ZNF497: variants seen among roughly 807,000 people sequenced by gnomAD.
ZNF497 encodes zinc finger-like protein.
For missense variants in ZNF497, 930 were observed against 714.0 expected (o/e 1.30, Z -3.45); for synonymous variants, 422 against 313.7 (o/e 1.35, Z -3.65).
At chr19:58,357,818 C>T in intron 2 of ZNF497, 169 bp from the exon 3 acceptor site, 1 of 1,213,576 alleles carries the variant, frequency 8.2e-7, no homozygotes, top group Non-Finnish European at 1.1e-6. Context: ...AGCAGGCGGG[C>T]TAGACACTCG....
intron 1 of ZNF497, among the ~76,000 whole-genome samples, chr19:58,362,128 C>T (rs1436363877): frequency 6.6e-6 from 1 of 152,228 alleles, no homozygotes; most frequent in African/African-American, 2.4e-5. Context: ...CGCCCACGCC[C>T]CCAACAACGG....
intron 1 of ZNF497, chr19:58,359,611 CTG>C: frequency 2.7e-6 from 1 of 375,784 alleles, no homozygotes; most frequent in South Asian, 1.9e-5. Flanking sequence ...AAGACAGAGA[CTG>C]TGAACAGGAC....
Position 58,356,573 on chromosome 19 carries a change from C to T in ZNF497, c.1063G>A (p.Glu355Lys), listed in dbSNP as rs905190547. 6.5e-7 allele frequency: 1 copy of T among 1,548,630 alleles called. No individual in the cohort carries two copies. The highest frequency in any genetic ancestry group is 8.7e-7 in the Non-Finnish European group (1 of 1,151,868). ...CACTGGGCGCACGCATGAGGCTTCT[C>T]GCCCGTGTGCACGCGCCGGTGCTCC... ...LAEHRRVHTG[E>K]KPHACAQCGK... The change falls in exon 3 of 3, where the codon GAG becomes AAG. Residue 355 changes from glutamate to lysine, a missense_variant. Physicochemically the swap from Glu to Lys is moderately conservative, Grantham distance 56 (BLOSUM62 1). Coordinates refer to ENST00000311044, the MANE Select transcript of ZNF497 (RefSeq NM_198458.3).
In ZNF497 at chr19:58,357,119, C is replaced by G; in HGVS notation, c.517G>C (p.Ala173Pro). 1.9e-6 allele frequency: 3 copies of G among 1,607,682 alleles called. 1 individual carries two copies. Among genetic ancestry groups the G allele is most frequent in the Middle Eastern group, 3.3e-4 (2 of 6,046 alleles). The part of the protein sequence containing the change: ...ACRECGKAFR[A>P]HSQLIHHQET... ...TGGTGGTGGATGAGCTGCGAGTGCG[C>G]GCGGAAGGCCTTGCCGCACTCCCTG... Residue 173 changes from alanine (A) to proline (P), a missense_variant, in exon 3 of 3, where the codon GCG becomes CCG. Ala to Pro is a conservative substitution (Grantham distance 27, BLOSUM62 -1). Transcript: ENST00000311044.
rs1173704883 is a variant in ZNF497 at position 58,356,083 on chromosome 19, GC to G, written c.*55del. The G allele has an allele frequency of 6.8e-7, 1 of 1,469,432 alleles. No individual in the cohort carries two copies. The highest frequency in any genetic ancestry group is 9.0e-7 in the Non-Finnish European group (1 of 1,115,946). 91.0% of individuals were successfully genotyped at this position (1,469,432 alleles called of 1,614,324 possible). On this transcript the variant is annotated 3_prime_UTR_variant, in exon 3 of 3. Coordinates refer to ENST00000311044, the MANE Select transcript of ZNF497 (RefSeq NM_198458.3). ...CTGGGCCAGCAGACAGCGCACTCACGCCCGAGACCCCGCAATGCCGTGTGTC... is the reference window on the plus strand; with the variant it reads ...CTGGGCCAGCAGACAGCGCACTCACGCCGAGACCCCGCAATGCCGTGTGTC...
At position 58,356,935 on chromosome 19, in the gene ZNF497, A is replaced by G; in HGVS notation, c.701T>C (p.Leu234Pro). The change falls in exon 3 of 3, where the codon CTG (leucine) becomes CCG (proline). Residue 234 changes from leucine to proline, a missense_variant. Physicochemically the swap from Leu to Pro is moderately conservative, Grantham distance 98 (BLOSUM62 -3). Coordinates refer to ENST00000311044, the MANE Select transcript of ZNF497 (RefSeq NM_198458.3). ...GKAFSWNSNFLEHRRVHTGAR... is the reference protein window; with the variant it reads ...GKAFSWNSNFPEHRRVHTGAR... ...GCCCGTGTGCACGCGCCGGTGCTCCAGGAAATTGGAGTTCCAGCTGAAGGC... is the reference window on the plus strand; with the variant it reads ...GCCCGTGTGCACGCGCCGGTGCTCCGGGAAATTGGAGTTCCAGCTGAAGGC... 6.3e-7 allele frequency: 1 copy of G among 1,599,676 alleles called. No individual in the cohort carries two copies. Among genetic ancestry groups the G allele is most frequent in the African/African-American group, 1.3e-5 (1 of 74,428 alleles).
chr19:58,358,288 TGAGA>T lies in ZNF497; in HGVS notation c.-15+197_-15+200del, dbSNP rs142795017. ...GGGGTGGCTGTGCAGCCCAGATCCC[TGAGA>T]GAGAGAGAGGCCAAGGGTGGGAGGG... is the stretch of plus-strand genomic sequence containing the variant. On this transcript the variant is annotated intron_variant, in intron 2 of 2. Coordinates refer to ENST00000311044, the MANE Select transcript of ZNF497 (RefSeq NM_198458.3). The T allele has an allele frequency of 8.4e-5, 108 of 1,286,968 alleles. No individual in the cohort carries two copies. In the African/African-American group the frequency reaches 9.1e-4, roughly 11 times the overall value. The allele number at this position is 1,286,968 out of a possible 1,614,324, so 79.7% of individuals were successfully genotyped here.
rs2052027491 is a variant in ZNF497, at chr19:58,356,749, T to TGCGTGCGCCGGTGCTGCCGC, written c.867_886dup (p.His296ArgfsTer86). The TGCGTGCGCCGGTGCTGCCGC allele has an allele frequency of 1.1e-5, 17 of 1,565,452 alleles. No individual in the cohort carries two copies. The highest frequency in any genetic ancestry group is 1.4e-5 in the Non-Finnish European group (16 of 1,162,442). ...GCAGGGGAAGGGCTTCTCGCTGCTG[T>TGCGTGCGCCGGTGCTGCCGC]GCGTGCGCCGGTGCTGCCGCAGCCC... On this transcript the variant is annotated frameshift_variant, in exon 3 of 3. Coordinates refer to ENST00000311044, the MANE Select transcript of ZNF497 (RefSeq NM_198458.3).
At chr19:58,361,708 G>A (rs972746311) in intron 1 of ZNF497, among the ~76,000 whole-genome samples, 1 of 151,910 alleles carries the variant, frequency 6.6e-6, no homozygotes, top group Non-Finnish European at 1.5e-5. Context: ...GCGTACATAG[G>A]GTATGCATTA....
intron 1 of ZNF497, among the ~76,000 whole-genome samples, chr19:58,360,767 CTTTTTTTTTTTTT>C (rs551580074): frequency 1.8e-3 from 61 of 34,528 alleles, no homozygotes; most frequent in Admixed American, 5.6e-3. Flanking sequence ...GTCCCGAACT[CTTTTTTTTTTTTT>C]TTTTTTTTTT....
Position 58,357,276 on chromosome 19 carries a change from GTA to G in ZNF497, c.358_359del (p.Tyr120LeufsTer207). 1 of 1,612,500 alleles carries G rather than the reference GTA, an allele frequency of 6.2e-7. No homozygotes were observed. The highest frequency in any genetic ancestry group is 2.2e-5 in the East Asian group (1 of 44,842). ...ECGKAFSQGS[Y>X]LLQHRRVHTG... ...TGTGCACGCGCCGATGCTGCAGCAAGTAAGAGCCCTGGCTGAACGCCTTGCCG... is the reference window on the plus strand; with the variant it reads ...TGTGCACGCGCCGATGCTGCAGCAAGAGAGCCCTGGCTGAACGCCTTGCCG... On this transcript the variant is annotated frameshift_variant, in exon 3 of 3. Transcript: ENST00000311044.
At chr19:58,359,856 C>G (rs749340186) in intron 1 of ZNF497, among the ~76,000 whole-genome samples, 73 of 151,936 alleles carry the variant, frequency 4.8e-4, no homozygotes, top group Non-Finnish European at 9.1e-4. Flanking sequence ...GCCTGTAATC[C>G]CAGCTACTCG....
At chr19:58,362,066 C>G (rs1599917394) in intron 1 of ZNF497, among the ~76,000 whole-genome samples, 1 of 152,224 alleles carries the variant, frequency 6.6e-6, no homozygotes, top group Admixed American at 6.5e-5. Context: ...TGAGCCTCAA[C>G]GCCTCCTCCT....
chr19:58,354,842 ACAGAACT>A lies in ZNF497; in HGVS notation c.*1290_*1296del, dbSNP rs1599908278. On this transcript the variant is annotated 3_prime_UTR_variant, in exon 3 of 3. Transcript: ENST00000311044. ...CAGAGGAGCAGAGCTCAGGGTGTGC[ACAGAACT>A]CAGAAGTCAGACCACTGAACAGTGA... is the stretch of plus-strand genomic sequence containing the variant. 1 of 152,400 alleles carries A rather than the reference ACAGAACT, an allele frequency of 6.6e-6. No homozygotes were observed. Among genetic ancestry groups the A allele is most frequent in the African/African-American group, 2.4e-5 (1 of 41,480 alleles). 9.4% of individuals were successfully genotyped at this position (152,400 alleles called of 1,614,324 possible). A position where few individuals can be genotyped will look rare whatever the true frequency, so the allele number is the denominator to read the frequency against.
chr19:58,357,114 G>C lies in ZNF497; in HGVS notation c.522C>G (p.His174Gln), dbSNP rs12609654. ...TCTCCTGGTGGTGGATGAGCTGCGA[G>C]TGCGCGCGGAAGGCCTTGCCGCACT... Reference protein sequence around the residue: ...CRECGKAFRAHSQLIHHQETH... With the variant: ...CRECGKAFRAQSQLIHHQETH... The change falls in exon 3 of 3, where the codon CAC becomes CAG. Residue 174 changes from histidine to glutamine, a missense_variant. Coordinates refer to ENST00000311044, the MANE Select transcript of ZNF497 (RefSeq NM_198458.3). The C allele has an allele frequency of 1.9e-6, 3 of 1,611,510 alleles. No homozygotes were observed. The highest frequency in any genetic ancestry group is 8.5e-7 in the Non-Finnish European group (1 of 1,178,986).
In ZNF497 at chr19:58,356,832, G is replaced by C. The variant is rs758269458; in HGVS notation, c.804C>G (p.His268Gln). 6.3e-7 allele frequency: 1 copy of C among 1,575,986 alleles called. No homozygotes were observed. The highest frequency in any genetic ancestry group is 2.3e-5 in the East Asian group (1 of 43,270). Residue 268 changes from histidine (H) to glutamine (Q), a missense_variant, in exon 3 of 3, where the codon CAC becomes CAG. Physicochemically the swap from His to Gln is conservative, Grantham distance 24 (BLOSUM62 0). Transcript: ENST00000311044. ...SSNLAEHLKI[H>Q]AGARPHACPD... ...GACAGGCGTGTGGCCGTGCGCCCGC[G>C]TGGATCTTCAGGTGCTCGGCCAGGT...
rs753110910 is a variant in ZNF497 at position 58,357,151 on chromosome 19, T to C, written c.485A>G (p.Tyr162Cys). 2 of 1,601,530 alleles carry C rather than the reference T, an allele frequency of 1.2e-6. No homozygotes were observed. The highest frequency in any genetic ancestry group is 2.2e-5 in the East Asian group (1 of 44,540). ...GGCCTTGCCGCACTCCCTGCAAGCG[T>C]AGGGCTTCTCGCCGCTGTGGATGCG... ...HQRIHSGEKP[Y>C]ACRECGKAFR... Residue 162 changes from tyrosine (Y) to cysteine (C), a missense_variant, in exon 3 of 3, where the codon TAC becomes TGC. Coordinates refer to ENST00000311044, the MANE Select transcript of ZNF497 (RefSeq NM_198458.3).
At chr19:58,359,342 G>C in intron 1 of ZNF497, 1 of 1,130,458 alleles carries the variant, frequency 8.8e-7, no homozygotes, top group Non-Finnish European at 1.2e-6. Flanking sequence ...ACAAAGGTGA[G>C]CCTGTGAGCA....
chr19:58,358,442 C>T (rs1476719873), intron 2 of ZNF497, 47 bp downstream of exon 2: 2 of 1,162,000 alleles, frequency 1.7e-6, no homozygotes, highest in Non-Finnish European at 2.2e-6. Flanking sequence ...AGTCTCCAGC[C>T]CCGCTGCCAA....
Sources: allele counts gnomAD v4.1 joint callset (sites outside exome capture counted in the v4.1 genomes callset), GRCh38; gene constraint gnomAD v4.1.1; transcripts MANE v1.5; gene names NCBI Gene and HGNC (gene_info 2026-07-23, HGNC 2026-07-21).